MPDZ: variants seen among roughly 807,000 people sequenced by gnomAD.
The protein encoded by MPDZ is multiple PDZ domain protein.
A neutral mutation model predicts 239.1 loss-of-function variants in MPDZ; 234 were observed. The observed-to-expected ratio is 0.98, with a 90% CI of 0.88 to 1.09. The LOEUF is 1.09. MPDZ is among the 50% of genes least tolerant of loss of function. MPDZ has a pLI of 0.00. For synonymous variants in MPDZ, 1,048 were observed against 881.3 expected, an observed-to-expected ratio of 1.19 and a Z score of -3.35; for missense variants, 3,175 against 2,510.0, an observed-to-expected ratio of 1.26 and a Z score of -5.66.
chr9:13,217,546 T>C (rs971200641), intron 8 of MPDZ, among the ~76,000 whole-genome samples: 4 of 151,870 alleles, frequency 2.6e-5, no homozygotes, highest in African/African-American at 9.7e-5. Flanking sequence ...TACATTATTG[T>C]TTGCGTACAA....
rs869272418 is a variant in MPDZ, at chr9:13,136,325, CTTTTTTTTT to C, written c.4293-152_4293-144del. On this transcript the variant is annotated intron_variant, in intron 30 of 46. Transcript: ENST00000319217. ...ACACTTACAAATTTACAAACGTTTT[CTTTTTTTTT>C]TTTTTTTTTTTTTTTGAGACAGAGT... 9.6e-4 allele frequency: 150 copies of C among 156,698 alleles called. 3 individuals are homozygous for C. Among genetic ancestry groups the C allele is most frequent in the African/African-American group, 6.8e-3 (110 of 16,186 alleles). 9.7% of individuals were successfully genotyped at this position (156,698 alleles called of 1,614,324 possible).
chr9:13,146,172 A>G (rs1325497445), intron 26 of MPDZ, among the ~76,000 whole-genome samples: 4 of 152,086 alleles, frequency 2.6e-5, no homozygotes, highest in African/African-American at 9.7e-5. Context: ...ATGATTAAAA[A>G]TTGCAGATGT....
At chr9:13,171,192 G>T (rs191204117) in intron 21 of MPDZ, among the ~76,000 whole-genome samples, 6 of 152,154 alleles carry the variant, frequency 3.9e-5, no homozygotes, top group Non-Finnish European at 5.9e-5. Flanking sequence ...GACACAAAGT[G>T]TACGACAAAA....
chr9:13,184,703 T>C (rs977338591), intron 18 of MPDZ, among the ~76,000 whole-genome samples: 31 of 152,096 alleles, frequency 2.0e-4, no homozygotes, highest in Admixed American at 7.9e-4. Flanking sequence ...ACAATACATA[T>C]TTAAGTAACA....
intron 10 of MPDZ, among the ~76,000 whole-genome samples, chr9:13,210,683 T>G (rs1365314985): frequency 6.6e-6 from 1 of 152,092 alleles, no homozygotes; most frequent in Non-Finnish European, 1.5e-5. Context: ...CAAGTCATTT[T>G]GAAACCTACT....
At chr9:13,140,266 A>G (rs986556060) in intron 27 of MPDZ, 117 bp from the exon 28 acceptor site, 32 of 871,380 alleles carry the variant, frequency 3.7e-5, no homozygotes, top group Non-Finnish European at 4.3e-5. Context: ...TCTAACAAAT[A>G]ATGGAAAGCT....
chr9:13,158,138 C>A (rs1950047078), intron 23 of MPDZ, 28 bp from the exon 24 acceptor site: 1 of 1,567,664 alleles, frequency 6.4e-7, no homozygotes, highest in African/African-American at 1.4e-5. Flanking sequence ...CAATGAGTAC[C>A]CCAAAATCCT....
chr9:13,233,344 A>T (rs916801715), intron 3 of MPDZ, among the ~76,000 whole-genome samples: 15 of 152,186 alleles, frequency 9.9e-5, no homozygotes, highest in Non-Finnish European at 2.1e-4. Context: ...AATGAAAAAG[A>T]ACTACTACTA....
rs78745450 is a variant in MPDZ, at chr9:13,172,068, C to G, written c.3056-3504G>C. Among the ~76,000 whole-genome samples, 922 of 152,264 alleles carry G rather than the reference C, an allele frequency of 6.1e-3. 13 individuals are homozygous for G. Among genetic ancestry groups the G allele is most frequent in the African/African-American group, 0.021 (884 of 41,564 alleles). On this transcript the variant is annotated intron_variant, in intron 21 of 46. Coordinates refer to ENST00000319217, the MANE Select transcript of MPDZ (RefSeq NM_001378778.1). ...ATATTTACATAGATTTTTCAAGATTCCTTTACATTTAGTTATTCGAAGTGC... is the reference window on the plus strand; with the variant it reads ...ATATTTACATAGATTTTTCAAGATTGCTTTACATTTAGTTATTCGAAGTGC...
At chr9:13,236,612 C>T (rs1269770062) in intron 3 of MPDZ, among the ~76,000 whole-genome samples, 1 of 151,664 alleles carries the variant, frequency 6.6e-6, no homozygotes, top group African/African-American at 2.4e-5. Context: ...TCGTTTTCTT[C>T]TTCTTTAAGA....
intron 1 of MPDZ, among the ~76,000 whole-genome samples, chr9:13,267,226 T>C (rs1971980562): frequency 1.3e-5 from 2 of 152,250 alleles, no homozygotes; most frequent in South Asian, 4.1e-4. Flanking sequence ...GTAAATTTTT[T>C]AGGCAATGAA....
At chr9:13,190,432 T>C (rs1954749151) in intron 15 of MPDZ, 133 bp from the exon 16 acceptor site, 1 of 743,496 alleles carries the variant, frequency 1.3e-6, no homozygotes. Flanking sequence ...CAACAGCTTT[T>C]CATGAAACCT....
chr9:13,194,025 G>T (rs1185974338), intron 13 of MPDZ, among the ~76,000 whole-genome samples: 3 of 152,064 alleles, frequency 2.0e-5, no homozygotes, highest in Admixed American at 6.6e-5. Context: ...TCTAATACTG[G>T]ATGAAATCCT....
chr9:13,195,697 C>T (rs2135250614), intron 13 of MPDZ, among the ~76,000 whole-genome samples: 1 of 152,126 alleles, frequency 6.6e-6, no homozygotes, highest in East Asian at 1.9e-4. Context: ...AAGGTAAATA[C>T]ATAGGAGTGG....
rs369700041 is a variant in MPDZ, at chr9:13,255,648, G to A, written c.-57-5276C>T. On this transcript the variant is annotated intron_variant, in intron 1 of 46. Coordinates refer to ENST00000319217, the MANE Select transcript of MPDZ (RefSeq NM_001378778.1). ...GAGCTCTTGGATAACCAGATGCCTT[G>A]TCAATGAGCAGTAATATATTTTATA... Among the ~76,000 whole-genome samples the A allele has an allele frequency of 3.3e-5, 5 of 152,302 alleles. No homozygotes were observed. The East Asian group carries it at 7.7e-4, about 24-fold the overall frequency.
At chr9:13,154,498 G>A (rs1325260014) in intron 24 of MPDZ, among the ~76,000 whole-genome samples, 1 of 152,140 alleles carries the variant, frequency 6.6e-6, no homozygotes, top group Non-Finnish European at 1.5e-5. Context: ...GTGACACAGG[G>A]CATTTATTTA....
intron 12 of MPDZ, among the ~76,000 whole-genome samples, chr9:13,196,452 C>G (rs960086872): frequency 2.6e-5 from 4 of 152,138 alleles, no homozygotes; most frequent in African/African-American, 9.7e-5. Context: ...TATTTTAAAT[C>G]TTTACCTCCA....
At chr9:13,250,701 T>G (rs1392419932) in intron 1 of MPDZ, among the ~76,000 whole-genome samples, 2 of 152,138 alleles carry the variant, frequency 1.3e-5, no homozygotes, top group Non-Finnish European at 2.9e-5. Flanking sequence ...TACAGATCTT[T>G]AAGCACAGAA....
chr9:13,152,016 C>T (rs540881259), intron 24 of MPDZ, among the ~76,000 whole-genome samples: 124 of 151,994 alleles, frequency 8.2e-4, no homozygotes, highest in South Asian at 1.9e-3. Context: ...TGGCACATAC[C>T]AGTGTAAAAG....
Sources: allele counts gnomAD v4.1 joint callset (sites outside exome capture counted in the v4.1 genomes callset), GRCh38; gene constraint gnomAD v4.1.1; transcripts MANE v1.5; gene names NCBI Gene and HGNC (gene_info 2026-07-23, HGNC 2026-07-21).